Variants in PTGS2 observed in about 807,000 individuals in gnomAD.
PTGS2 encodes the protein prostaglandin G/H synthase 2.
In PTGS2, 14 loss-of-function variants were observed where a neutral mutation model predicts 63.8. That is an observed-to-expected ratio of 0.22 (90% CI 0.14 to 0.34). The LOEUF (loss-of-function observed/expected upper bound fraction) is 0.34. PTGS2 is among the 10% of genes least tolerant of loss of function. PTGS2 has a pLI of 1.00. For synonymous variants in PTGS2, 271 were observed against 259.5 expected, an observed-to-expected ratio of 1.04 and a Z score of -0.43; for missense variants, 533 against 738.5, an observed-to-expected ratio of 0.72 and a Z score of 3.23.
chr1:186,672,232 T>C lies in PTGS2; in HGVS notation c.*2121A>G, dbSNP rs910383471. ...ACCCACAGTGCTTGACACAGAATATTTTCTCAATAAATTGTGGCTGAACAA... is the reference window on the plus strand; with the variant it reads ...ACCCACAGTGCTTGACACAGAATATCTTCTCAATAAATTGTGGCTGAACAA... On this transcript the variant is annotated 3_prime_UTR_variant, in exon 10 of 10. Coordinates refer to ENST00000367468, the MANE Select transcript of PTGS2 (RefSeq NM_000963.4). 6.6e-6 allele frequency: 1 copy of C among 152,122 alleles called. No individual in the cohort carries two copies. Among genetic ancestry groups the C allele is most frequent in the Non-Finnish European group, 1.5e-5 (1 of 67,980 alleles). 9.4% of individuals were successfully genotyped at this position (152,122 alleles called of 1,614,324 possible).
Position 186,676,629 on chromosome 1 carries a change from G to A in PTGS2, c.808C>T (p.Arg270Trp), listed in dbSNP as rs201723686. The A allele has an allele frequency of 3.7e-6, 6 of 1,614,014 alleles. No individual in the cohort carries two copies. The highest frequency in any genetic ancestry group is 1.1e-5 in the South Asian group (1 of 91,078). The change falls in exon 7 of 10, where the codon CGG (arginine) becomes TGG (tryptophan). Residue 270 changes from arginine (R) to tryptophan (W), a missense_variant. This residue lies in a region of PTGS2 where 67 missense variants were observed against 152.6 expected (regional missense o/e 0.44). Coordinates refer to ENST00000367468, the MANE Select transcript of PTGS2 (RefSeq NM_000963.4). ...IYPPQVPEHL[R>W]FAVGQEVFGL... ...AAGACCTCCTGCCCCACAGCAAACC[G>A]TAGATGCTCAGGGACTTGAGGAGGG...
intron 1 of PTGS2, 59 bp from the exon 2 acceptor site, chr1:186,679,497 TTTAA>T: frequency 8.0e-7 from 1 of 1,245,628 alleles, no homozygotes; most frequent in Non-Finnish European, 1.2e-6. Flanking sequence ...AATTTAAACA[TTTAA>T]TTGTTTGACT....
intron 8 of PTGS2, 130 bp from the exon 9 acceptor site, chr1:186,675,526 A>G: frequency 1.9e-6 from 2 of 1,040,524 alleles, no homozygotes; most frequent in African/African-American, 3.2e-5. Flanking sequence ...TGCTGGAAAG[A>G]TGCTTACCTA....
intron 4 of PTGS2, 145 bp downstream of exon 4, chr1:186,678,116 T>C (rs751654076): frequency 4.2e-5 from 35 of 835,376 alleles, no homozygotes; most frequent in Non-Finnish European, 5.5e-5. Flanking sequence ...ACTCATACTT[T>C]AAAAAATACC....
At chr1:186,674,787 T>G in intron 9 of PTGS2, 25 bp from the exon 10 acceptor site, 1 of 1,564,430 alleles carries the variant, frequency 6.4e-7, no homozygotes, top group Non-Finnish European at 8.6e-7. Flanking sequence ...AAGACAGAGA[T>G]ACAACCAATG....
chr1:186,676,563 G>A lies in PTGS2; in HGVS notation c.874C>T (p.Leu292=). ...PGLMMYATIW[L]REHNRVCDVL... ...TCGCATACTCTGTTGTGTTCCCGCA[G>A]CCAGATTGTGGCATACATCATCAGA... The change falls in exon 7 of 10, where the codon CTG becomes TTG. Residue 292 remains leucine, a synonymous_variant. Transcript: ENST00000367468. The A allele has an allele frequency of 6.2e-7, 1 of 1,614,116 alleles. No individual in the cohort carries two copies. The highest frequency in any genetic ancestry group is 1.1e-5 in the South Asian group (1 of 91,074).
At position 186,679,348 on chromosome 1, in the gene PTGS2, C is replaced by T; in HGVS notation, c.143G>A (p.Gly48Glu). The T allele has an allele frequency of 6.2e-7, 1 of 1,614,146 alleles. No individual in the cohort carries two copies. The highest frequency in any genetic ancestry group is 8.5e-7 in the Non-Finnish European group (1 of 1,180,026). ...TGTTGAGCAGTTTTCTCCATAGAAT[C>T]CTGTCCGGGTACAATCGCACTTATA... ...DQYKCDCTRT[G>E]FYGENCSTPE... Residue 48 changes from glycine (G) to glutamate (E), a missense_variant, in exon 2 of 10, where the codon GGA (glycine) becomes GAA (glutamate). Physicochemically the swap from Gly to Glu is moderately conservative, Grantham distance 98. Coordinates refer to ENST00000367468, the MANE Select transcript of PTGS2 (RefSeq NM_000963.4).
rs373745396 is a variant in PTGS2, at chr1:186,679,322, G to C, written c.169C>G (p.Pro57Ala). The change falls in exon 2 of 10, where the codon CCG becomes GCG. Residue 57 changes from proline (P) to alanine (A), a missense_variant and splice_region_variant. Physicochemically the swap from Pro to Ala is conservative, Grantham distance 27 (BLOSUM62 -1). This residue lies in a region of PTGS2 where 118 missense variants were observed against 144.6 expected (regional missense o/e 0.82). Coordinates refer to ENST00000367468, the MANE Select transcript of PTGS2 (RefSeq NM_000963.4). ...TGFYGENCST[P>A]EFLTRIKLFL... Reference sequence around the variant, plus strand: ...TGAGGCAACCAAAGGACAAACTTACGTGTTGAGCAGTTTTCTCCATAGAAT... The same window carrying C: ...TGAGGCAACCAAAGGACAAACTTACCTGTTGAGCAGTTTTCTCCATAGAAT... The C allele has an allele frequency of 1.2e-6, 2 of 1,613,920 alleles. No homozygotes were observed. The highest frequency in any genetic ancestry group is 1.1e-5 in the South Asian group (1 of 91,074).
chr1:186,678,147 G>T (rs1665813727), intron 4 of PTGS2, 114 bp downstream of exon 4: 1 of 1,158,480 alleles, frequency 8.6e-7, no homozygotes, highest in East Asian at 2.7e-5. Flanking sequence ...CATGCTAAAA[G>T]TAAAAACTGC....
chr1:186,678,127 C>A (rs1358458924), intron 4 of PTGS2, 134 bp downstream of exon 4: 6 of 893,366 alleles, frequency 6.7e-6, no homozygotes, highest in Non-Finnish European at 9.6e-6. Context: ...AAAAAATACC[C>A]ATAGATAACC....
Position 186,680,297 on chromosome 1 carries a change from G to T in PTGS2, c.-7C>A. On this transcript the variant is annotated 5_prime_UTR_variant, in exon 1 of 10. Transcript: ENST00000367468. Reference sequence around the variant, plus strand: ...GCAGGGCGCGGGCGAGCATCGCAGCGGCGGGCAGGGCGCGGCGCGGGGGTA... The same window carrying T: ...GCAGGGCGCGGGCGAGCATCGCAGCTGCGGGCAGGGCGCGGCGCGGGGGTA... The T allele has an allele frequency of 6.5e-7, 1 of 1,539,178 alleles. No individual in the cohort carries two copies. The highest frequency in any genetic ancestry group is 8.8e-7 in the Non-Finnish European group (1 of 1,141,598).
At chr1:186,675,462 G>A (rs112779188) in intron 8 of PTGS2, 66 bp from the exon 9 acceptor site, 3 of 1,558,930 alleles carry the variant, frequency 1.9e-6, no homozygotes, top group Non-Finnish European at 2.6e-6. Flanking sequence ...TATTCAGCTT[G>A]CCTTAGGTAC....
rs1665720268 is a variant in PTGS2 at position 186,673,243 on chromosome 1, G to T, written c.*1110C>A. The T allele has an allele frequency of 6.6e-6, 1 of 152,152 alleles. No homozygotes were observed. The highest frequency in any genetic ancestry group is 2.4e-5 in the African/African-American group (1 of 41,440). The allele number at this position is 152,152 out of a possible 1,614,324, so 9.4% of individuals were successfully genotyped here. On this transcript the variant is annotated 3_prime_UTR_variant, in exon 10 of 10. Transcript: ENST00000367468. ...ATGAGGTCATTGCTACTTTTGCAAT[G>T]TGATATGGACTGCTAAATTAAACTG... is the stretch of plus-strand genomic sequence containing the variant.
chr1:186,678,109 C>T lies in PTGS2; in HGVS notation c.457+152G>A, dbSNP rs11567824. On this transcript the variant is annotated intron_variant, in intron 4 of 9. Transcript: ENST00000367468. ...TTTTACATAATAGTTTATATAGACT[C>T]ATACTTTAAAAAATACCCATAGATA... The T allele has an allele frequency of 4.4e-4, 343 of 771,824 alleles. 3 individuals carry two copies. The African/African-American group carries it at 5.6e-3, about 13-fold the overall frequency. 47.8% of individuals were successfully genotyped at this position (771,824 alleles called of 1,614,324 possible).
At position 186,678,427 on chromosome 1, in the gene PTGS2, T is replaced by C. The variant is rs200569874; in HGVS notation, c.314-23A>G. ...TGGCTGAAATTTTCAAAGAAAAAAA[T>C]GTTTTATTTATTCTCATTTGTTAAG... On this transcript the variant is annotated intron_variant, in intron 3 of 9. Transcript: ENST00000367468. The C allele has an allele frequency of 5.1e-6, 8 of 1,570,186 alleles. 1 individual carries two copies. In the East Asian group the frequency reaches 1.8e-4, roughly 36 times the overall value.
In PTGS2 at chr1:186,680,319, G is replaced by C. The variant is rs1665857773; in HGVS notation, c.-29C>G. 2 of 1,523,114 alleles carry C rather than the reference G, an allele frequency of 1.3e-6. No homozygotes were observed. Among genetic ancestry groups the C allele is most frequent in the South Asian group, 2.5e-5 (2 of 81,370 alleles). 94.3% of individuals were successfully genotyped at this position (1,523,114 alleles called of 1,614,324 possible). On this transcript the variant is annotated 5_prime_UTR_variant, in exon 1 of 10. Transcript: ENST00000367468. Reference sequence around the variant, plus strand: ...AGCGGCGGGCAGGGCGCGGCGCGGGGGTAGGCTTTGCTGTCTGAGGGCGTC... The same window carrying C: ...AGCGGCGGGCAGGGCGCGGCGCGGGCGTAGGCTTTGCTGTCTGAGGGCGTC...
At position 186,676,521 on chromosome 1, in the gene PTGS2, G is replaced by A. The variant is rs1215146515; in HGVS notation, c.916C>T (p.His306Tyr). The part of the protein sequence containing the change: ...NRVCDVLKQE[H>Y]PEWGDEQLFQ... ...AACTGCTCATCACCCCATTCAGGAT[G>A]CTCCTGTTTAAGCACATCGCATACT... Residue 306 changes from histidine to tyrosine, a missense_variant, in exon 7 of 10, where the codon CAT becomes TAT. His to Tyr is a moderately conservative substitution (Grantham distance 83). Around this residue, in one of 5 missense-constraint regions of PTGS2, gnomAD observed 67 missense variants for 152.6 expected, o/e 0.44. Coordinates refer to ENST00000367468, the MANE Select transcript of PTGS2 (RefSeq NM_000963.4). 6.2e-7 allele frequency: 1 copy of A among 1,613,994 alleles called. No individual in the cohort carries two copies. Among genetic ancestry groups the A allele is most frequent in the Non-Finnish European group, 8.5e-7 (1 of 1,180,020 alleles).
Position 186,675,988 on chromosome 1 carries a change from G to A in PTGS2, c.1167C>T (p.Asn389=), listed in dbSNP as rs771005303. ...AGTTGTTGTAGATAAACTGTTGATA[G>A]TTGTATTTCTGGTCATGAATTTGAA... ...DTFQIHDQKY[N]YQQFIYNNSI... Residue 389 remains asparagine, a synonymous_variant, in exon 8 of 10, where the codon AAC becomes AAT. Coordinates refer to ENST00000367468, the MANE Select transcript of PTGS2 (RefSeq NM_000963.4). 7.4e-6 allele frequency: 12 copies of A among 1,613,788 alleles called. No individual in the cohort carries two copies. In the South Asian group the frequency reaches 1.3e-4, roughly 18 times the overall value.
chr1:186,678,309 C>A lies in PTGS2; in HGVS notation c.409G>T (p.Ala137Ser). 1 of 1,613,296 alleles carries A rather than the reference C, an allele frequency of 6.2e-7. No individual in the cohort carries two copies. The highest frequency in any genetic ancestry group is 8.5e-7 in the Non-Finnish European group (1 of 1,179,558). Reference protein sequence around the residue: ...AFSNLSYYTRALPPVPDDCPT... With the variant: ...AFSNLSYYTRSLPPVPDDCPT... ...CAATCATCAGGCACAGGAGGAAGGG[C>A]TCTAGTATAATAGGAGAGGTTAGAG... The change falls in exon 4 of 10, where the codon GCC becomes TCC. Residue 137 changes from alanine to serine, a missense_variant. Physicochemically the swap from Ala to Ser is moderately conservative, Grantham distance 99. This residue lies in a region of PTGS2 where 11 missense variants were observed against 35.2 expected (regional missense o/e 0.31). Coordinates refer to ENST00000367468, the MANE Select transcript of PTGS2 (RefSeq NM_000963.4).
Sources: gnomAD v4.1 joint callset for allele counts on GRCh38, gnomAD v4.1.1 for gene constraint, gnomAD v4.1.1 regional missense constraint, MANE v1.5 for transcripts, NCBI Gene and HGNC (gene_info 2026-07-23, HGNC 2026-07-21) for gene names.